The following CACNB2 variants were observed in gnomAD, a reference collection of about 807,000 sequenced individuals.
The protein encoded by CACNB2 is voltage-dependent L-type calcium channel subunit beta-2.
In CACNB2, 42 loss-of-function variants were observed where a neutral mutation model predicts 73.3. The ratio of observed to expected loss-of-function variants is 0.57; its 90% CI spans 0.45 to 0.74. The LOEUF (loss-of-function observed/expected upper bound fraction) is 0.74, where lower values mean the gene tolerates loss of function less well. CACNB2 is among the 30% of genes least tolerant of loss of function. The probability of loss-of-function intolerance (pLI) is 0.00; values close to 1 mark genes in which losing one functional copy is unlikely to be tolerated. For synonymous variants in CACNB2, 348 were observed against 310.3 expected (o/e 1.12, Z -1.28); for missense variants, 940 against 853.0 (o/e 1.10, Z -1.27).
At chr10:18,180,013 T>C (rs972631309) in intron 2 of CACNB2, among the ~76,000 whole-genome samples, 3 of 152,322 alleles carry the variant, frequency 2.0e-5, no homozygotes, top group East Asian at 1.9e-4. Context: ...TGACTACAGG[T>C]CTGCTTCCTC....
chr10:18,224,215 A>G (rs1052439362), intron 2 of CACNB2: 1 of 152,122 alleles, frequency 6.6e-6, no homozygotes, highest in South Asian at 2.1e-4. Context: ...TTCTAGGACT[A>G]TGAACAACTG....
chr10:18,145,024 G>A (rs1186568246), intron 1 of CACNB2, among the ~76,000 whole-genome samples: 1 of 152,142 alleles, frequency 6.6e-6, no homozygotes, highest in Non-Finnish European at 1.5e-5. Context: ...AGCACTCTAG[G>A]CCTCAGAGAG....
intron 2 of CACNB2, among the ~76,000 whole-genome samples, chr10:18,259,775 C>T (rs553635076): frequency 6.6e-6 from 1 of 150,450 alleles, no homozygotes; most frequent in African/African-American, 2.4e-5. Flanking sequence ...TGGTGGCATG[C>T]ACCTACAATT....
At chr10:18,180,483 T>C (rs1379679570) in intron 2 of CACNB2, among the ~76,000 whole-genome samples, 2 of 151,876 alleles carry the variant, frequency 1.3e-5, no homozygotes, top group Non-Finnish European at 2.9e-5. Flanking sequence ...CTTTTAACCT[T>C]GGGTCTTACG....
chr10:18,474,456 TC>T lies in CACNB2; in HGVS notation c.334-23897del, dbSNP rs2048338210. ...AGTGCACCAAGCCAGGTGCTCAGGC[TC>T]CTAAACTAAGGTGCAATTAGGCAAT... On this transcript the variant is annotated intron_variant, in intron 3 of 13. Coordinates refer to ENST00000324631, the MANE Select transcript of CACNB2 (RefSeq NM_201596.3). Among the ~76,000 whole-genome samples, 8 of 152,244 alleles carry T rather than the reference TC, an allele frequency of 5.3e-5. No homozygotes were observed. In the South Asian group the frequency reaches 1.7e-3, roughly 32 times the overall value.
chr10:18,307,933 C>G (rs61842674), intron 2 of CACNB2, among the ~76,000 whole-genome samples: 15,875 of 144,324 alleles, frequency 0.11, 959 homozygotes, highest in South Asian at 0.2. Flanking sequence ...CTGCTTCAGT[C>G]AGAGAAATTA....
chr10:18,504,330 C>T (rs2050371584), intron 5 of CACNB2, among the ~76,000 whole-genome samples: 1 of 152,208 alleles, frequency 6.6e-6, no homozygotes, highest in Admixed American at 6.5e-5. Flanking sequence ...TTCCATGCTG[C>T]ACTGCAGATT....
intron 2 of CACNB2, among the ~76,000 whole-genome samples, chr10:18,182,547 G>T (rs1443265810): frequency 1.3e-5 from 2 of 151,544 alleles, no homozygotes; most frequent in Admixed American, 6.6e-5. Context: ...CCAGGCAGGA[G>T]GTGGTGGCTC....
At chr10:18,472,176 C>A (rs1462655596) in intron 3 of CACNB2, among the ~76,000 whole-genome samples, 2 of 149,770 alleles carry the variant, frequency 1.3e-5, no homozygotes, top group Non-Finnish European at 3.0e-5. Context: ...GAAGCATTCT[C>A]GAATAAGGAG....
chr10:18,168,750 A>C (rs185211501), intron 2 of CACNB2, among the ~76,000 whole-genome samples: 3 of 152,324 alleles, frequency 2.0e-5, no homozygotes, highest in Admixed American at 2.0e-4. Flanking sequence ...AGATGGATTT[A>C]GGGCATGTAA....
chr10:18,222,408 A>ACACG (rs1491158553), intron 2 of CACNB2, among the ~76,000 whole-genome samples: 45 of 19,722 alleles, frequency 2.3e-3, no homozygotes, highest in African/African-American at 4.3e-3. Flanking sequence ...ACACACACAT[A>ACACG]CACACACACA....
intron 3 of CACNB2, among the ~76,000 whole-genome samples, chr10:18,449,167 G>C (rs556409839): frequency 6.6e-6 from 1 of 152,158 alleles, no homozygotes; most frequent in African/African-American, 2.4e-5. Context: ...GGTGGATCAC[G>C]AGGTGAGGAG....
At chr10:18,272,242 T>C (rs2038085121) in intron 2 of CACNB2, among the ~76,000 whole-genome samples, 1 of 152,164 alleles carries the variant, frequency 6.6e-6, no homozygotes, top group South Asian at 2.1e-4. Context: ...ATAGTTCTAA[T>C]TAGAACAAAG....
intron 3 of CACNB2, among the ~76,000 whole-genome samples, chr10:18,431,958 T>G (rs1793218584): frequency 6.6e-6 from 1 of 152,048 alleles, no homozygotes; most frequent in African/African-American, 2.4e-5. Flanking sequence ...GCAAATAGGG[T>G]TTCACCATAT....
chr10:18,385,243 A>G (rs2043175538), intron 2 of CACNB2, among the ~76,000 whole-genome samples: 1 of 151,556 alleles, frequency 6.6e-6, no homozygotes, highest in South Asian at 2.1e-4. Flanking sequence ...AGATTATGCC[A>G]CTGCACTCCA....
At chr10:18,478,865 G>T (rs4488087) in intron 3 of CACNB2, among the ~76,000 whole-genome samples, 6,862 of 152,204 alleles carry the variant, frequency 0.045, 249 homozygotes, top group African/African-American at 0.1. Context: ...TGGTGCCTCT[G>T]GGTCCTGGGC....
rs1401259228 is a variant in CACNB2, at chr10:18,542,333, A to C, written c.*2609A>C. ...AATCAGTAGTCATAATAAACTTGAC[A>C]ATTCTTACATTGGTAGGAAACCATA... On this transcript the variant is annotated 3_prime_UTR_variant, in exon 14 of 14. Coordinates refer to ENST00000324631, the MANE Select transcript of CACNB2 (RefSeq NM_201596.3). 3.9e-5 allele frequency: 6 copies of C among 152,232 alleles called. No homozygotes were observed. Among genetic ancestry groups the C allele is most frequent in the African/African-American group, 1.4e-4 (6 of 41,468 alleles). 9.4% of individuals were successfully genotyped at this position (152,232 alleles called of 1,614,324 possible).
Position 18,209,537 on chromosome 10 carries a change from T to A in CACNB2, c.213+58562T>A, listed in dbSNP as rs547456271. 8.5e-5 allele frequency among the ~76,000 whole-genome samples: 13 copies of A among 152,284 alleles called. No homozygotes were observed. In the South Asian group the frequency reaches 2.7e-3, roughly 32 times the overall value. ...ATTCTGAGCTGTATTACACAGGCAA[T>A]GAAGGGGTCTGTTTGAAAATTTGTA... On this transcript the variant is annotated intron_variant, in intron 2 of 13. Transcript: ENST00000324631.
chr10:18,498,441 C>G lies in CACNB2; in HGVS notation c.420C>G (p.Ile140Met), dbSNP rs778295363. 6.2e-7 allele frequency: 1 copy of G among 1,614,090 alleles called. No homozygotes were observed. Among genetic ancestry groups the G allele is most frequent in the South Asian group, 1.1e-5 (1 of 91,076 alleles). ...EDDVPVPGMA[I>M]SFEAKDFLHV... is the part of the protein sequence containing the mutation. ...ATGTTCCAGTGCCTGGCATGGCCAT[C>G]TCATTCGAAGCAAAAGATTTTCTGC... The change falls in exon 4 of 14, where the codon ATC becomes ATG. Residue 140 changes from isoleucine to methionine, a missense_variant. Ile to Met is a conservative substitution (Grantham distance 10, BLOSUM62 1). Coordinates refer to ENST00000324631, the MANE Select transcript of CACNB2 (RefSeq NM_201596.3).
Sources: allele counts gnomAD v4.1 joint callset (sites outside exome capture counted in the v4.1 genomes callset), GRCh38; gene constraint gnomAD v4.1.1; transcripts MANE v1.5; gene names NCBI Gene and HGNC (gene_info 2026-07-23, HGNC 2026-07-21).